Variants in LHFPL3 observed in about 807,000 individuals in gnomAD.
The protein encoded by LHFPL3 is LHFPL tetraspan subfamily member 3 protein.
LHFPL3 carries 5 observed loss-of-function variants against 19.3 expected under a neutral mutation model. That is an observed-to-expected ratio of 0.26 (90% confidence interval 0.14 to 0.54). LHFPL3 has a LOEUF of 0.54. Ranked by LOEUF, LHFPL3 falls within the 20% of genes least tolerant of loss-of-function variation. The pLI, the probability that LHFPL3 is intolerant of heterozygous loss-of-function variation, is 0.94. For missense variants in LHFPL3, 249 were observed against 307.4 expected (o/e 0.81, Z 1.42); for synonymous variants, 133 against 126.2 (o/e 1.05, Z -0.36).
rs1791044329 is a variant in LHFPL3, at chr7:104,834,135, C to A, written c.683-72052C>A. On this transcript the variant is annotated intron_variant, in intron 2 of 2. Coordinates refer to ENST00000424859, the MANE Select transcript of LHFPL3 (RefSeq NM_199000.3). ...TCGATGGCAACTGATTAGATTGTGC[C>A]CTCCAGATTAAGGGTGGGTCTGCCT... Among the ~76,000 whole-genome samples, 2 of 151,072 alleles carry A rather than the reference C, an allele frequency of 1.3e-5. 1 individual carries two copies. Among genetic ancestry groups the A allele is most frequent in the African/African-American group, 4.9e-5 (2 of 40,874 alleles).
chr7:104,699,206 G>T lies in LHFPL3; in HGVS notation c.446-37469G>T, dbSNP rs143431854. Among the ~76,000 whole-genome samples the T allele has an allele frequency of 3.2e-4, 48 of 152,298 alleles. No individual in the cohort carries two copies. In the East Asian group the frequency reaches 9.2e-3, roughly 29 times the overall value. Reference sequence around the variant, plus strand: ...ACTTCTGGGTATGTATCCAAAAGAAGTGAAAGTAGGGACTTGAGCATCCAT... The same window carrying T: ...ACTTCTGGGTATGTATCCAAAAGAATTGAAAGTAGGGACTTGAGCATCCAT... On this transcript the variant is annotated intron_variant, in intron 1 of 2. Transcript: ENST00000424859.
At chr7:104,865,572 G>C (rs1463741295) in intron 2 of LHFPL3, among the ~76,000 whole-genome samples, 1 of 152,178 alleles carries the variant, frequency 6.6e-6, no homozygotes, top group Non-Finnish European at 1.5e-5. Context: ...ATATAGGACT[G>C]TGTGAGAAGA....
chr7:104,506,050 C>T (rs2115749019), intron 1 of LHFPL3, among the ~76,000 whole-genome samples: 1 of 151,090 alleles, frequency 6.6e-6, no homozygotes, highest in East Asian at 2.0e-4. Context: ...CGGAGTCTCA[C>T]TCTGTCGCCA....
chr7:104,737,035 C>T (rs983134541), intron 2 of LHFPL3, 124 bp downstream of exon 2: 9 of 693,504 alleles, frequency 1.3e-5, no homozygotes, highest in Non-Finnish European at 1.7e-5. Context: ...CTTTTAATAC[C>T]GTGTAGCTTG....
intron 1 of LHFPL3, among the ~76,000 whole-genome samples, chr7:104,479,592 A>G (rs968186698): frequency 6.6e-6 from 1 of 152,034 alleles, no homozygotes. Context: ...GCGTTTCACC[A>G]TGTTGGCCAG....
intron 1 of LHFPL3, among the ~76,000 whole-genome samples, chr7:104,413,641 C>A (rs1426869526): frequency 6.6e-6 from 1 of 152,198 alleles, no homozygotes; most frequent in Non-Finnish European, 1.5e-5. Flanking sequence ...CAAGCCTCTG[C>A]CTTCTCCAAG....
chr7:104,426,002 A>G (rs1450329871), intron 1 of LHFPL3, among the ~76,000 whole-genome samples: 5 of 152,346 alleles, frequency 3.3e-5, no homozygotes, highest in African/African-American at 7.2e-5. Flanking sequence ...GCACGTCAAC[A>G]TTGCCTATTC....
At chr7:104,447,963 T>C (rs1792362968) in intron 1 of LHFPL3, among the ~76,000 whole-genome samples, 1 of 152,158 alleles carries the variant, frequency 6.6e-6, no homozygotes, top group African/African-American at 2.4e-5. Context: ...GTTGGCAATT[T>C]CCTCTTTTTT....
rs144474614 is a variant in LHFPL3, at chr7:104,505,273, G to A, written c.445+176049G>A. On this transcript the variant is annotated intron_variant, in intron 1 of 2. Coordinates refer to ENST00000424859, the MANE Select transcript of LHFPL3 (RefSeq NM_199000.3). Reference sequence around the variant, plus strand: ...CCATGATTATATTCAATGATGAACAGGGGTAAACATTTTACCTGGGCTGCA... The same window carrying A: ...CCATGATTATATTCAATGATGAACAAGGGTAAACATTTTACCTGGGCTGCA... Among the ~76,000 whole-genome samples, 770 of 152,282 alleles carry A rather than the reference G, an allele frequency of 5.1e-3. 9 individuals are homozygous for A. The highest frequency in any genetic ancestry group is 0.017 in the African/African-American group (724 of 41,568).
intron 2 of LHFPL3, among the ~76,000 whole-genome samples, chr7:104,801,565 TG>T: frequency 6.6e-6 from 1 of 152,060 alleles, no homozygotes; most frequent in South Asian, 2.1e-4. Flanking sequence ...TTGTTTGTTT[TG>T]TTTTGTTTTT....
intron 2 of LHFPL3, among the ~76,000 whole-genome samples, chr7:104,886,935 G>A (rs1792160855): frequency 6.6e-6 from 1 of 152,200 alleles, no homozygotes. Flanking sequence ...GGGGTCCCCA[G>A]GGTCAAGGGA....
chr7:104,896,996 G>A (rs1345390090), intron 2 of LHFPL3, among the ~76,000 whole-genome samples: 4 of 151,766 alleles, frequency 2.6e-5, no homozygotes, highest in African/African-American at 7.3e-5. Context: ...TGAGGCAGGA[G>A]AATCAGTTGA....
chr7:104,793,405 A>T (rs1790060697), intron 2 of LHFPL3, among the ~76,000 whole-genome samples: 1 of 152,226 alleles, frequency 6.6e-6, no homozygotes, highest in African/African-American at 2.4e-5. Flanking sequence ...AGATGTAGAA[A>T]GCTGGTTTTT....
At chr7:104,458,398 T>A (rs1170734763) in intron 1 of LHFPL3, among the ~76,000 whole-genome samples, 1 of 152,206 alleles carries the variant, frequency 6.6e-6, no homozygotes, top group African/African-American at 2.4e-5. Flanking sequence ...TTTGTTTTTG[T>A]CAGGTTTGTC....
At chr7:104,770,025 T>C (rs1247842800) in intron 2 of LHFPL3, among the ~76,000 whole-genome samples, 1 of 152,152 alleles carries the variant, frequency 6.6e-6, no homozygotes, top group East Asian at 1.9e-4. Context: ...AATTTCTTTA[T>C]TTAACATATC....
At chr7:104,478,220 G>A (rs914817887) in intron 1 of LHFPL3, among the ~76,000 whole-genome samples, 4 of 151,882 alleles carry the variant, frequency 2.6e-5, no homozygotes, top group East Asian at 1.9e-4. Context: ...ATGAGTCTCC[G>A]TTGTTTTAAT....
chr7:104,809,733 C>T (rs7357329), intron 2 of LHFPL3, among the ~76,000 whole-genome samples: 26 of 152,272 alleles, frequency 1.7e-4, no homozygotes, highest in Non-Finnish European at 2.9e-4. Context: ...CTTACCCATA[C>T]AGCACAGAGG....
chr7:104,647,412 T>C lies in LHFPL3; in HGVS notation c.446-89263T>C, dbSNP rs369293225. Among the ~76,000 whole-genome samples the C allele has an allele frequency of 5.9e-5, 9 of 152,328 alleles. No individual in the cohort carries two copies. In the South Asian group the frequency reaches 1.5e-3, roughly 25 times the overall value. ...TATTCATCCAGCCTCTGAGGAAATATAATGAATGAAGATGGGATTGGGAAT... is the reference window on the plus strand; with the variant it reads ...TATTCATCCAGCCTCTGAGGAAATACAATGAATGAAGATGGGATTGGGAAT... On this transcript the variant is annotated intron_variant, in intron 1 of 2. Transcript: ENST00000424859.
At chr7:104,848,250 A>G (rs1017761898) in intron 2 of LHFPL3, among the ~76,000 whole-genome samples, 1 of 152,170 alleles carries the variant, frequency 6.6e-6, no homozygotes, top group African/African-American at 2.4e-5. Context: ...CCACCATGTC[A>G]TTTGAGGGAA....
Sources: allele counts gnomAD v4.1 joint callset (sites outside exome capture counted in the v4.1 genomes callset), GRCh38; gene constraint gnomAD v4.1.1; transcripts MANE v1.5; gene names NCBI Gene and HGNC (gene_info 2026-07-23, HGNC 2026-07-21).